The following BLTP1 variants were observed in gnomAD, a reference collection of about 807,000 sequenced individuals.
BLTP1 encodes the protein bridge-like lipid transfer protein family member 1.
chr4:122,186,937 A>T, the BLTP1 span: 1 of 842,096 alleles, frequency 1.2e-6, no homozygotes, highest in Non-Finnish European at 1.4e-6. Flanking sequence ...TATCATTTTC[A>T]TTTCATTAAG....
chr4:122,260,794 T>G, the BLTP1 span, among the ~76,000 whole-genome samples: 2 of 152,052 alleles, frequency 1.3e-5, no homozygotes, highest in Admixed American at 1.3e-4. Context: ...GCACTATTTA[T>G]AAAAGGAAAA....
chr4:122,347,274 C>T, the BLTP1 span: 5 of 976,364 alleles, frequency 5.1e-6, no homozygotes, highest in Non-Finnish European at 6.1e-6. Flanking sequence ...TTGAGAAACC[C>T]TAAGTCTGAG....
At chr4:122,205,210 T>C in the BLTP1 span, among the ~76,000 whole-genome samples, 1 of 151,904 alleles carries the variant, frequency 6.6e-6, no homozygotes, top group Non-Finnish European at 1.5e-5. Context: ...AAAACTACTT[T>C]AAATATTTCA....
chr4:122,273,491 A>T, the BLTP1 span: 6 of 951,478 alleles, frequency 6.3e-6, no homozygotes, highest in Non-Finnish European at 7.5e-6. Flanking sequence ...TGATATTTAA[A>T]AAAAAAAAAT....
the BLTP1 span, among the ~76,000 whole-genome samples, chr4:122,160,535 A>G: frequency 6.6e-6 from 1 of 152,208 alleles, no homozygotes; most frequent in Non-Finnish European, 1.5e-5. Flanking sequence ...CATATTTTGT[A>G]TACTTTATCT....
the BLTP1 span, among the ~76,000 whole-genome samples, chr4:122,269,861 A>T: frequency 1.5e-4 from 23 of 152,050 alleles, no homozygotes; most frequent in Non-Finnish European, 4.4e-5. Context: ...ATATTTTAAA[A>T]TTTTAATTGT....
the BLTP1 span, chr4:122,169,958 T>A: frequency 1.0e-6 from 1 of 985,174 alleles, no homozygotes; most frequent in African/African-American, 1.7e-5. Flanking sequence ...CAAGTCTGGA[T>A]GAATTTGTTT....
the BLTP1 span, chr4:122,360,121 A>G: frequency 1.1e-6 from 1 of 876,720 alleles, no homozygotes; most frequent in Non-Finnish European, 1.4e-6. Flanking sequence ...TTAAGGAACT[A>G]TTTTAATTTC....
At chr4:122,284,497 T>C in the BLTP1 span, among the ~76,000 whole-genome samples, 1 of 152,128 alleles carries the variant, frequency 6.6e-6, no homozygotes, top group Non-Finnish European at 1.5e-5. Flanking sequence ...GAAATGAAAA[T>C]GTATTGTCTC....
chr4:122,156,021 G>A, the BLTP1 span: 19 of 951,686 alleles, frequency 2.0e-5, no homozygotes, highest in Non-Finnish European at 2.4e-5. Context: ...TGCTTAGAAT[G>A]AATTCTCTGG....
chr4:122,276,549 C>T, the BLTP1 span: 1 of 985,088 alleles, frequency 1.0e-6, no homozygotes, highest in African/African-American at 1.7e-5. Context: ...CTGTTCACAT[C>T]TAGAGAGCCA....
chr4:122,337,057 G>GAA, the BLTP1 span: 1 of 1,524,212 alleles, frequency 6.6e-7, no homozygotes, highest in Non-Finnish European at 9.0e-7. Context: ...GTTTTAAAGA[G>GAA]AAATGTTTTT....
chr4:122,248,841 G>A, the BLTP1 span, among the ~76,000 whole-genome samples: 4 of 151,984 alleles, frequency 2.6e-5, no homozygotes, highest in African/African-American at 9.7e-5. Flanking sequence ...AGAGTGCAGT[G>A]TACTTCAAAT....
the BLTP1 span, chr4:122,174,738 G>A: frequency 1.9e-6 from 2 of 1,034,174 alleles, no homozygotes; most frequent in Non-Finnish European, 2.8e-6. Context: ...TTTATTGAAT[G>A]TGACTTGCTT....
chr4:122,224,696 T>C, the BLTP1 span: 1 of 1,614,014 alleles, frequency 6.2e-7, no homozygotes. Flanking sequence ...TTCAGAGTAC[T>C]ATCTCCTGAC....
At chr4:122,201,483 A>G in the BLTP1 span, among the ~76,000 whole-genome samples, 4 of 152,216 alleles carry the variant, frequency 2.6e-5, no homozygotes, top group Non-Finnish European at 5.9e-5. Context: ...TTTAATAATT[A>G]TAATACACAA....
the BLTP1 span, among the ~76,000 whole-genome samples, chr4:122,194,105 G>A: frequency 5.3e-5 from 8 of 152,018 alleles, no homozygotes; most frequent in African/African-American, 1.7e-4. Context: ...CTCGTGATCC[G>A]CCCGCTTCGG....
At chr4:122,200,851 C>T in the BLTP1 span, 20 of 806,102 alleles carry the variant, frequency 2.5e-5, no homozygotes, top group Non-Finnish European at 3.0e-5. Context: ...TATTGACCTT[C>T]AGCCACAGCA....
the BLTP1 span, among the ~76,000 whole-genome samples, chr4:122,267,204 G>A: frequency 1.3e-5 from 2 of 151,562 alleles, no homozygotes; most frequent in South Asian, 2.1e-4. Flanking sequence ...GACCACAAGC[G>A]CCTGCCACCA....
Sources: allele counts gnomAD v4.1 joint callset (sites outside exome capture counted in the v4.1 genomes callset), GRCh38; gene constraint gnomAD v4.1.1; transcripts MANE v1.5; gene names NCBI Gene and HGNC (gene_info 2026-07-23, HGNC 2026-07-21).